Variants in ADRB1 observed in about 807,000 individuals in gnomAD.
The protein encoded by ADRB1 is beta-1 adrenergic receptor.
For synonymous variants in ADRB1, 365 were observed against 347.2 expected, an observed-to-expected ratio of 1.05 and a Z score of -0.57; for missense variants, 635 against 709.1, an observed-to-expected ratio of 0.90 and a Z score of 1.19.
At position 114,045,101 on chromosome 10, in the gene ADRB1, C is replaced by T; in HGVS notation, c.969C>T (p.Leu323=). The part of the protein sequence containing the change: ...RLVALREQKA[L]KTLGIIMGVF... ...TGGCCCTGCGCGAGCAGAAGGCGCT[C>T]AAGACGCTGGGCATCATCATGGGCG... The change falls in exon 1 of 1, where the codon CTC becomes CTT. Residue 323 remains leucine, a synonymous_variant. Coordinates refer to ENST00000369295, the MANE Select transcript of ADRB1 (RefSeq NM_000684.3). The T allele has an allele frequency of 6.5e-7, 1 of 1,533,180 alleles. No individual in the cohort carries two copies. The highest frequency in any genetic ancestry group is 8.8e-7 in the Non-Finnish European group (1 of 1,139,442). The allele number at this position is 1,533,180 out of a possible 1,614,324, so 95.0% of individuals were successfully genotyped here.
In ADRB1 at chr10:114,045,399, T is replaced by C. The variant is rs1847548514; in HGVS notation, c.1267T>C (p.Ser423Pro). 8.0e-7 allele frequency: 1 copy of C among 1,244,364 alleles called. No individual in the cohort carries two copies. The highest frequency in any genetic ancestry group is 4.3e-5 in the Admixed American group (1 of 23,150). The allele number at this position is 1,244,364 out of a possible 1,614,324, so 77.1% of individuals were successfully genotyped here. A position where few individuals can be genotyped will look rare whatever the true frequency, so the allele number is the denominator to read the frequency against. ...GCLARPGPPPSPGAASDDDDD... is the reference protein window; with the variant it reads ...GCLARPGPPPPPGAASDDDDD... ...TCTGGCCCGGCCCGGACCCCCGCCA[T>C]CGCCCGGGGCCGCCTCGGACGACGA... The change falls in exon 1 of 1, where the codon TCG becomes CCG. Residue 423 changes from serine to proline, a missense_variant. Ser to Pro is a moderately conservative substitution (Grantham distance 74, BLOSUM62 -1). Coordinates refer to ENST00000369295, the MANE Select transcript of ADRB1 (RefSeq NM_000684.3).
chr10:114,045,139 G>T lies in ADRB1; in HGVS notation c.1007G>T (p.Cys336Phe). The T allele has an allele frequency of 1.3e-6, 2 of 1,591,380 alleles. No individual in the cohort carries two copies. The highest frequency in any genetic ancestry group is 1.7e-6 in the Non-Finnish European group (2 of 1,169,554). ...LGIIMGVFTL[C>F]WLPFFLANVV... ...ATCATCATGGGCGTCTTCACGCTCT[G>T]CTGGCTGCCCTTCTTCCTGGCCAAC... The change falls in exon 1 of 1, where the codon TGC becomes TTC. Residue 336 changes from cysteine (C) to phenylalanine (F), a missense_variant. Transcript: ENST00000369295.
At position 114,046,528 on chromosome 10, in the gene ADRB1, A is replaced by C. The variant is rs564813512; in HGVS notation, c.*962A>C. 25 of 167,210 alleles carry C rather than the reference A, an allele frequency of 1.5e-4. No homozygotes were observed. The highest frequency in any genetic ancestry group is 5.5e-4 in the African/African-American group (23 of 41,572). 10.4% of individuals were successfully genotyped at this position (167,210 alleles called of 1,614,324 possible). A position where few individuals can be genotyped will look rare whatever the true frequency, so the allele number is the denominator to read the frequency against. On this transcript the variant is annotated 3_prime_UTR_variant, in exon 1 of 1. Transcript: ENST00000369295. ...TTTGCACAGTGTTAGGAATTACAAAATCCACAGAAGATGTTACTTGCACAA... is the reference window on the plus strand; with the variant it reads ...TTTGCACAGTGTTAGGAATTACAAACTCCACAGAAGATGTTACTTGCACAA...
Position 114,044,538 on chromosome 10 carries a change from T to G in ADRB1, c.406T>G (p.Ser136Ala). Residue 136 changes from serine to alanine, a missense_variant, in exon 1 of 1, where the codon TCA becomes GCA. Transcript: ENST00000369295. This position sits in a 1 kb window ranked among gnomAD's most constrained non-coding sequence, Gnocchi z 7.8. ...YGSFFCELWT[S>A]VDVLCVTASI... is the part of the protein sequence containing the mutation. ...CTCCTTCTTCTGCGAGCTGTGGACC[T>G]CAGTGGACGTGCTGTGCGTGACGGC... 6.2e-7 allele frequency: 1 copy of G among 1,613,772 alleles called. No individual in the cohort carries two copies.
At position 114,044,999 on chromosome 10, in the gene ADRB1, C is replaced by G. The variant is rs1847539646; in HGVS notation, c.867C>G (p.Pro289=). Residue 289 remains proline (P), a synonymous_variant, in exon 1 of 1, where the codon CCC becomes CCG. Transcript: ENST00000369295. This position sits in a 1 kb window ranked among gnomAD's most constrained non-coding sequence, Gnocchi z 7.8. ...CCGCGCCCGCGCCGCCGCCCGGACC[C>G]CCGCGCCCCGCCGCCGCCGCCGCCA... The part of the protein sequence containing the change: ...PVPAPAPPPG[P]PRPAAAAATA... 3 of 1,079,676 alleles carry G rather than the reference C, an allele frequency of 2.8e-6. No individual in the cohort carries two copies. Among genetic ancestry groups the G allele is most frequent in the African/African-American group, 1.7e-5 (1 of 59,122 alleles). The allele number at this position is 1,079,676 out of a possible 1,614,324, so 66.9% of individuals were successfully genotyped here.
chr10:114,045,236 C>A lies in ADRB1; in HGVS notation c.1104C>A (p.Ala368=). 1 of 1,599,990 alleles carries A rather than the reference C, an allele frequency of 6.3e-7. No homozygotes were observed. The highest frequency in any genetic ancestry group is 8.5e-7 in the Non-Finnish European group (1 of 1,173,104). The change falls in exon 1 of 1, where the codon GCC becomes GCA. Residue 368 remains alanine (A), a synonymous_variant. Transcript: ENST00000369295. ...LFVFFNWLGY[A]NSAFNPIIYC... ...TCTTCTTCAACTGGCTGGGCTACGC[C>A]AACTCGGCCTTCAACCCCATCATCT...
In ADRB1 at chr10:114,043,972, C is replaced by T; in HGVS notation, c.-161C>T. 1 of 446,886 alleles carries T rather than the reference C, an allele frequency of 2.2e-6. No homozygotes were observed. Among genetic ancestry groups the T allele is most frequent in the Non-Finnish European group, 3.3e-6 (1 of 303,854 alleles). 27.7% of individuals were successfully genotyped at this position (446,886 alleles called of 1,614,324 possible). A position where few individuals can be genotyped will look rare whatever the true frequency, so the allele number is the denominator to read the frequency against. On this transcript the variant is annotated 5_prime_UTR_variant, in exon 1 of 1. Coordinates refer to ENST00000369295, the MANE Select transcript of ADRB1 (RefSeq NM_000684.3). Reference sequence around the variant, plus strand: ...CGGCAGCGACAGCGCTCGGCTCCTGCGGGAAAGGCGCCCGGCGCCCATGCC... The same window carrying T: ...CGGCAGCGACAGCGCTCGGCTCCTGTGGGAAAGGCGCCCGGCGCCCATGCC...
In ADRB1 at chr10:114,044,863, A is replaced by G; in HGVS notation, c.731A>G (p.Tyr244Cys). ...YVPLCIMAFV[Y>C]LRVFREAQKQ... is the part of the protein sequence containing the mutation. ...CCCCTGTGCATCATGGCCTTCGTGTACCTGCGGGTGTTCCGCGAGGCCCAG... is the reference window on the plus strand; with the variant it reads ...CCCCTGTGCATCATGGCCTTCGTGTGCCTGCGGGTGTTCCGCGAGGCCCAG... Residue 244 changes from tyrosine to cysteine, a missense_variant, in exon 1 of 1, where the codon TAC (tyrosine) becomes TGC (cysteine). Tyr to Cys is a radical substitution (Grantham distance 194). Transcript: ENST00000369295. This position sits in a 1 kb window ranked among gnomAD's most constrained non-coding sequence, Gnocchi z 7.8. The G allele has an allele frequency of 6.2e-7, 1 of 1,613,172 alleles. No homozygotes were observed. The highest frequency in any genetic ancestry group is 8.5e-7 in the Non-Finnish European group (1 of 1,179,750).
In ADRB1 at chr10:114,044,513, C is replaced by A. The variant is rs747391207; in HGVS notation, c.381C>A (p.Gly127=). 5 of 1,613,778 alleles carry A rather than the reference C, an allele frequency of 3.1e-6. No homozygotes were observed. The highest frequency in any genetic ancestry group is 4.2e-6 in the Non-Finnish European group (5 of 1,179,972). Residue 127 remains glycine (G), a synonymous_variant, in exon 1 of 1, where the codon GGC becomes GGA. Transcript: ENST00000369295. This position sits in a 1 kb window ranked among gnomAD's most constrained non-coding sequence, Gnocchi z 7.8. ...TIVVWGRWEY[G]SFFCELWTSV... is the part of the protein sequence containing the mutation. ...TGGTGTGGGGCCGCTGGGAGTACGG[C>A]TCCTTCTTCTGCGAGCTGTGGACCT...
Position 114,044,609 on chromosome 10 carries a change from C to T in ADRB1, c.477C>T (p.Ala159=). Residue 159 remains alanine, a synonymous_variant, in exon 1 of 1, where the codon GCC becomes GCT. Coordinates refer to ENST00000369295, the MANE Select transcript of ADRB1 (RefSeq NM_000684.3). This position sits in a 1 kb window ranked among gnomAD's most constrained non-coding sequence, Gnocchi z 7.8. ...TCATTGCCCTGGACCGCTACCTCGCCATCACCTCGCCCTTCCGCTACCAGA... is the reference window on the plus strand; with the variant it reads ...TCATTGCCCTGGACCGCTACCTCGCTATCACCTCGCCCTTCCGCTACCAGA... ...LCVIALDRYL[A]ITSPFRYQSL... 4 of 1,613,524 alleles carry T rather than the reference C, an allele frequency of 2.5e-6. No homozygotes were observed. Among genetic ancestry groups the T allele is most frequent in the Non-Finnish European group, 1.7e-6 (2 of 1,179,958 alleles).
rs1382831885 is a variant in ADRB1, at chr10:114,044,375, G to A, written c.243G>A (p.Val81=). 3 of 1,609,320 alleles carry A rather than the reference G, an allele frequency of 1.9e-6. No individual in the cohort carries two copies. In the African/African-American group the frequency reaches 4.0e-5, roughly 22 times the overall value. ...LIVAGNVLVI[V]AIAKTPRLQT... The stretch of plus-strand genomic sequence containing the variant: ...TGGCGGGCAATGTGCTGGTGATCGT[G>A]GCCATCGCCAAGACGCCGCGGCTGC... The change falls in exon 1 of 1, where the codon GTG becomes GTA. Residue 81 remains valine, a synonymous_variant. Transcript: ENST00000369295. The surrounding 1 kb of genome is among the most constrained non-coding windows in gnomAD (Gnocchi z 7.8).
rs1847534204 is a variant in ADRB1 at position 114,044,679 on chromosome 10, T to A, written c.547T>A (p.Trp183Arg). Residue 183 changes from tryptophan to arginine, a missense_variant, in exon 1 of 1, where the codon TGG becomes AGG. Transcript: ENST00000369295. This position sits in a 1 kb window ranked among gnomAD's most constrained non-coding sequence, Gnocchi z 7.8. ...GGCGCGGGGCCTCGTGTGCACCGTG[T>A]GGGCCATCTCGGCCCTGGTGTCCTT... ...ARARGLVCTV[W>R]AISALVSFLP... 6.2e-7 allele frequency: 1 copy of A among 1,612,490 alleles called. No individual in the cohort carries two copies.
Position 114,044,726 on chromosome 10 carries a change from G to T in ADRB1, c.594G>T (p.Trp198Cys). 1 of 1,610,616 alleles carries T rather than the reference G, an allele frequency of 6.2e-7. No individual in the cohort carries two copies. Among genetic ancestry groups the T allele is most frequent in the South Asian group, 1.1e-5 (1 of 91,014 alleles). ...CCTTCCTGCCCATCCTCATGCACTG[G>T]TGGCGGGCGGAGAGCGACGAGGCGC... ...LVSFLPILMH[W>C]WRAESDEARR... is the part of the protein sequence containing the mutation. Residue 198 changes from tryptophan (W) to cysteine (C), a missense_variant, in exon 1 of 1, where the codon TGG becomes TGT. Trp to Cys is a radical substitution (Grantham distance 215). Transcript: ENST00000369295. This position sits in a 1 kb window ranked among gnomAD's most constrained non-coding sequence, Gnocchi z 7.8.
chr10:114,044,315 G>C lies in ADRB1; in HGVS notation c.183G>C (p.Met61Ile). The change falls in exon 1 of 1, where the codon ATG becomes ATC. Residue 61 changes from methionine to isoleucine, a missense_variant. Transcript: ENST00000369295. This position sits in a 1 kb window ranked among gnomAD's most constrained non-coding sequence, Gnocchi z 7.8. ...TGTCTCAGCAGTGGACAGCGGGCAT[G>C]GGTCTGCTGATGGCGCTCATCGTGC... ...EPLSQQWTAG[M>I]GLLMALIVLL... 6.3e-7 allele frequency: 1 copy of C among 1,597,434 alleles called. No homozygotes were observed. Among genetic ancestry groups the C allele is most frequent in the Non-Finnish European group, 8.5e-7 (1 of 1,175,634 alleles).
rs1320694809 is a variant in ADRB1, at chr10:114,045,612, CGAG to C, written c.*50_*52del. 2.4e-6 allele frequency: 3 copies of C among 1,258,970 alleles called. No homozygotes were observed. The African/African-American group carries it at 4.7e-5, about 20-fold the overall frequency. The allele number at this position is 1,258,970 out of a possible 1,614,324, so 78.0% of individuals were successfully genotyped here. On this transcript the variant is annotated 3_prime_UTR_variant, in exon 1 of 1. Transcript: ENST00000369295. ...CTCCGGGCACGGCTTCCCAGGGGAACGAGGAGATCTGTGTTTACTTAAGACCGA... is the reference window on the plus strand; with the variant it reads ...CTCCGGGCACGGCTTCCCAGGGGAACGAGATCTGTGTTTACTTAAGACCGA...
chr10:114,043,929 C>A lies in ADRB1; in HGVS notation c.-204C>A, dbSNP rs530691478. 4.4e-5 allele frequency: 11 copies of A among 247,622 alleles called. No individual in the cohort carries two copies. In the South Asian group the frequency reaches 1.4e-3, roughly 32 times the overall value. 15.3% of individuals were successfully genotyped at this position (247,622 alleles called of 1,614,324 possible). A position where few individuals can be genotyped will look rare whatever the true frequency, so the allele number is the denominator to read the frequency against. On this transcript the variant is annotated 5_prime_UTR_variant, in exon 1 of 1. Coordinates refer to ENST00000369295, the MANE Select transcript of ADRB1 (RefSeq NM_000684.3). ...GCAGCGGCTCCAGCAGCAGCGGCGG[C>A]GGCGGCGGCGGCGGCAGCGGCAGCG...
chr10:114,045,720 A>C lies in ADRB1; in HGVS notation c.*154A>C. On this transcript the variant is annotated 3_prime_UTR_variant, in exon 1 of 1. Coordinates refer to ENST00000369295, the MANE Select transcript of ADRB1 (RefSeq NM_000684.3). ...AAAAGCCACGGACCGTTGCACAAAA[A>C]GGAAAGTTTGGGAAGGGATGGGAGA... is the stretch of plus-strand genomic sequence containing the variant. 1 of 773,288 alleles carries C rather than the reference A, an allele frequency of 1.3e-6. No individual in the cohort carries two copies. The highest frequency in any genetic ancestry group is 6.9e-5 in the South Asian group (1 of 14,460). 47.9% of individuals were successfully genotyped at this position (773,288 alleles called of 1,614,324 possible).
chr10:114,045,588 T>C lies in ADRB1; in HGVS notation c.*22T>C. 7.9e-7 allele frequency: 1 copy of C among 1,273,622 alleles called. No homozygotes were observed. Among genetic ancestry groups the C allele is most frequent in the Non-Finnish European group, 1.0e-6 (1 of 1,002,376 alleles). 78.9% of individuals were successfully genotyped at this position (1,273,622 alleles called of 1,614,324 possible). A position where few individuals can be genotyped will look rare whatever the true frequency, so the allele number is the denominator to read the frequency against. The stretch of plus-strand genomic sequence containing the variant: ...GTAGGGCCCGGCGCGGGGCGCGGAC[T>C]CCGGGCACGGCTTCCCAGGGGAACG... On this transcript the variant is annotated 3_prime_UTR_variant, in exon 1 of 1. Transcript: ENST00000369295.
In ADRB1 at chr10:114,045,800, C is replaced by CTTTT. The variant is rs34635547; in HGVS notation, c.*253_*256dup. On this transcript the variant is annotated 3_prime_UTR_variant, in exon 1 of 1. Transcript: ENST00000369295. ...TTTTTCTTTTCTTTTCTTTCTTCTT[C>CTTTT]TTTTTTTTTTTTTTTTTTTTTTCTG... The CTTTT allele has an allele frequency of 4.0e-3, 471 of 118,714 alleles. No homozygotes were observed. The highest frequency in any genetic ancestry group is 9.2e-3 in the African/African-American group (191 of 20,690). 7.4% of individuals were successfully genotyped at this position (118,714 alleles called of 1,614,324 possible).
Sources: gnomAD v4.1 joint callset for allele counts on GRCh38, gnomAD v4.1.1 for gene constraint, Gnocchi (gnomAD v3.1) non-coding constraint, MANE v1.5 for transcripts, NCBI Gene and HGNC (gene_info 2026-07-23, HGNC 2026-07-21) for gene names.